Variants in ZNF461 observed in about 807,000 individuals in gnomAD.
The protein encoded by ZNF461 is zinc finger protein 461.
A neutral mutation model predicts 18.3 loss-of-function variants in ZNF461; 16 were observed. The observed-to-expected ratio is 0.88, with a 90% CI of 0.59 to 1.33. ZNF461 has a LOEUF of 1.33. Ranked by LOEUF, ZNF461 falls within the 40% of genes most tolerant of loss-of-function variation. The pLI is 0.00. For synonymous variants in ZNF461, 179 were observed against 216.9 expected (o/e 0.83, Z 1.54); for missense variants, 595 against 669.9 (o/e 0.89, Z 1.23).
At chr19:36,661,517 A>G in intron 2 of ZNF461, among the ~76,000 whole-genome samples, 1 of 137,380 alleles carries the variant, frequency 7.3e-6, no homozygotes, top group East Asian at 2.8e-4. Flanking sequence ...ACAAGATGGT[A>G]GAGTAAAACC....
rs779475299 is a variant in ZNF461 at position 36,656,521 on chromosome 19, G to A, written c.159C>T (p.Ala53=). The A allele has an allele frequency of 6.8e-6, 11 of 1,613,906 alleles. No individual in the cohort carries two copies. The highest frequency in any genetic ancestry group is 4.0e-5 in the African/African-American group (3 of 74,898). The change falls in exon 4 of 6, where the codon GCC becomes GCT. Residue 53 remains alanine (A), a synonymous_variant. Transcript: ENST00000588268. The part of the protein sequence containing the change: ...VSLGLSVSKP[A]VISSLEQGKE... ...TCCCTTGCTCCAATGAGGAGATTAC[G>A]GCTGGCTTAGAAACAGAAAGTCCTA...
In ZNF461 at chr19:36,663,268, G is replaced by C. The variant is rs946598719; in HGVS notation, c.9+1430C>G. Reference sequence around the variant, plus strand: ...GTCCTAAAGCAATTCTCCCGCCTTGGCCTCCCAAAGTGCTGGGATTATGGG... The same window carrying C: ...GTCCTAAAGCAATTCTCCCGCCTTGCCCTCCCAAAGTGCTGGGATTATGGG... On this transcript the variant is annotated intron_variant, in intron 2 of 5. Transcript: ENST00000588268. Among the ~76,000 whole-genome samples the C allele has an allele frequency of 9.2e-5, 14 of 152,160 alleles. No homozygotes were observed. In the East Asian group the frequency reaches 2.7e-3, roughly 29 times the overall value.
chr19:36,664,503 G>A (rs57471534), intron 2 of ZNF461, among the ~76,000 whole-genome samples, 195 bp downstream of exon 2: 418 of 151,702 alleles, frequency 2.8e-3, no homozygotes, highest in African/African-American at 9.7e-3. Context: ...TGGGAGAATC[G>A]CCTGAACCTG....
intron 4 of ZNF461, among the ~76,000 whole-genome samples, chr19:36,649,338 GT>G (rs56108428): frequency 0.67 from 102,184 of 151,422 alleles, 34,799 homozygotes; most frequent in East Asian, 0.82. Context: ...ATTTATTTAT[GT>G]TTTTTTTTGA....
intron 4 of ZNF461, 135 bp downstream of exon 4, chr19:36,656,313 G>A (rs1600438283): frequency 1.3e-6 from 1 of 770,510 alleles, no homozygotes; most frequent in Non-Finnish European, 2.2e-6. Context: ...GTACCACACT[G>A]TTTGATTACT....
At position 36,639,503 on chromosome 19, in the gene ZNF461, G is replaced by A. The variant is rs1568642310; in HGVS notation, c.842C>T (p.Ala281Val). Residue 281 changes from alanine (A) to valine (V), a missense_variant, in exon 6 of 6, where the codon GCC (alanine) becomes GTC (valine). Physicochemically the swap from Ala to Val is moderately conservative, Grantham distance 64. Coordinates refer to ENST00000588268, the MANE Select transcript of ZNF461 (RefSeq NM_153257.5). The part of the protein sequence containing the change: ...KRYECNECGK[A>V]FNYGSELTLH... Reference sequence around the variant, plus strand: ...AGTAAGTTCTGAGCCATAATTAAAGGCCTTCCCACATTCGTTACATTCATA... The same window carrying A: ...AGTAAGTTCTGAGCCATAATTAAAGACCTTCCCACATTCGTTACATTCATA... 2 of 1,613,544 alleles carry A rather than the reference G, an allele frequency of 1.2e-6. No homozygotes were observed. Among genetic ancestry groups the A allele is most frequent in the Admixed American group, 1.7e-5 (1 of 59,952 alleles).
chr19:36,644,935 C>G (rs1412765014), intron 4 of ZNF461, among the ~76,000 whole-genome samples: 1 of 151,462 alleles, frequency 6.6e-6, no homozygotes, highest in African/African-American at 2.4e-5. Context: ...ATTAAAAAAT[C>G]TGGCCTGGAG....
intron 4 of ZNF461, among the ~76,000 whole-genome samples, chr19:36,653,967 T>C (rs1030848505): frequency 3.3e-5 from 5 of 152,150 alleles, no homozygotes; most frequent in African/African-American, 1.2e-4. Flanking sequence ...AATGAGTGCA[T>C]GTATAACTGG....
At position 36,638,489 on chromosome 19, in the gene ZNF461, G is replaced by A; in HGVS notation, c.*164C>T. 2 of 545,834 alleles carry A rather than the reference G, an allele frequency of 3.7e-6. No homozygotes were observed. The highest frequency in any genetic ancestry group is 3.7e-5 in the African/African-American group (2 of 53,620). The allele number at this position is 545,834 out of a possible 1,614,324, so 33.8% of individuals were successfully genotyped here. ...TGGTTAATACAATAACTCAGAAACA[G>A]CATTAAAATGAGACCAAAATTTACA... On this transcript the variant is annotated 3_prime_UTR_variant, in exon 6 of 6. Transcript: ENST00000588268.
chr19:36,656,400 A>G, intron 4 of ZNF461, 48 bp downstream of exon 4: 6 of 1,482,534 alleles, frequency 4.0e-6, no homozygotes, highest in Non-Finnish European at 5.7e-6. Context: ...CAACATTCTG[A>G]CCAGCTGGCC....
At chr19:36,656,061 G>A (rs912181327) in intron 4 of ZNF461, among the ~76,000 whole-genome samples, 4 of 148,388 alleles carry the variant, frequency 2.7e-5, no homozygotes, top group African/African-American at 1.0e-4. Context: ...GCTGTGGCGC[G>A]ATCTCCGCTC....
In ZNF461 at chr19:36,638,582, A is replaced by C. The variant is rs2037341683; in HGVS notation, c.*71T>G. 1.8e-6 allele frequency: 2 copies of C among 1,107,234 alleles called. No individual in the cohort carries two copies. The highest frequency in any genetic ancestry group is 5.8e-5 in the Admixed American group (2 of 34,666). 68.6% of individuals were successfully genotyped at this position (1,107,234 alleles called of 1,614,324 possible). A position where few individuals can be genotyped will look rare whatever the true frequency, so the allele number is the denominator to read the frequency against. On this transcript the variant is annotated 3_prime_UTR_variant, in exon 6 of 6. Coordinates refer to ENST00000588268, the MANE Select transcript of ZNF461 (RefSeq NM_153257.5). Reference sequence around the variant, plus strand: ...AGGATTATTTAAATAAATAAATACTAATGAAACTGGTGGCTTACCAACTTT... The same window carrying C: ...AGGATTATTTAAATAAATAAATACTCATGAAACTGGTGGCTTACCAACTTT...
chr19:36,638,112 A>G lies in ZNF461; in HGVS notation c.*541T>C, dbSNP rs1051827761. Reference sequence around the variant, plus strand: ...TCTGTAGTAGGTAATGGCCCAAAATACGGACATACATTCCATTCTAGAAAT... The same window carrying G: ...TCTGTAGTAGGTAATGGCCCAAAATGCGGACATACATTCCATTCTAGAAAT... On this transcript the variant is annotated 3_prime_UTR_variant, in exon 6 of 6. Transcript: ENST00000588268. 6 of 193,012 alleles carry G rather than the reference A, an allele frequency of 3.1e-5. No individual in the cohort carries two copies. Among genetic ancestry groups the G allele is most frequent in the African/African-American group, 1.4e-4 (6 of 41,824 alleles). The allele number at this position is 193,012 out of a possible 1,614,324, so 12.0% of individuals were successfully genotyped here. A position where few individuals can be genotyped will look rare whatever the true frequency, so the allele number is the denominator to read the frequency against.
rs1414433262 is a variant in ZNF461 at position 36,664,812 on chromosome 19, A to AG, written c.-80-27dup. The AG allele has an allele frequency of 8.0e-6, 7 of 872,044 alleles. No homozygotes were observed. The Middle Eastern group carries it at 7.3e-4, about 91-fold the overall frequency. 54.0% of individuals were successfully genotyped at this position (872,044 alleles called of 1,614,324 possible). On this transcript the variant is annotated intron_variant, in intron 1 of 5. Coordinates refer to ENST00000588268, the MANE Select transcript of ZNF461 (RefSeq NM_153257.5). Reference sequence around the variant, plus strand: ...CTGGGAGAGAGGGGAGTTAAAAAAAAGACAGGAGATTATTGCCTCTAAGCT... The same window carrying AG: ...CTGGGAGAGAGGGGAGTTAAAAAAAAGGACAGGAGATTATTGCCTCTAAGCT...
chr19:36,658,196 A>T, intron 3 of ZNF461, 103 bp downstream of exon 3: 1 of 1,196,080 alleles, frequency 8.4e-7, no homozygotes, highest in Non-Finnish European at 1.2e-6. Context: ...TTTGAAAGCT[A>T]GCCCTAAATT....
At chr19:36,664,414 C>T (rs1451130660) in intron 2 of ZNF461, among the ~76,000 whole-genome samples, 1 of 152,062 alleles carries the variant, frequency 6.6e-6, no homozygotes, top group Non-Finnish European at 1.5e-5. Flanking sequence ...TTGGCAAAAC[C>T]CCGTATCTAC....
At chr19:36,649,685 G>C (rs2037592203) in intron 4 of ZNF461, among the ~76,000 whole-genome samples, 1 of 152,106 alleles carries the variant, frequency 6.6e-6, no homozygotes, top group Non-Finnish European at 1.5e-5. Context: ...ACTTCTAGGA[G>C]AGTAGATGTT....
rs933480052 is a variant in ZNF461 at position 36,638,079 on chromosome 19, C to T, written c.*574G>A. On this transcript the variant is annotated 3_prime_UTR_variant, in exon 6 of 6. Coordinates refer to ENST00000588268, the MANE Select transcript of ZNF461 (RefSeq NM_153257.5). ...AGTTCTAGGTGAACATTAGAAACAA[C>T]TTCAATGTCTGTAGTAGGTAATGGC... 4.7e-6 allele frequency: 1 copy of T among 211,896 alleles called. No individual in the cohort carries two copies. The highest frequency in any genetic ancestry group is 1.4e-4 in the East Asian group (1 of 6,992). 13.1% of individuals were successfully genotyped at this position (211,896 alleles called of 1,614,324 possible).
At chr19:36,660,930 T>C (rs1664022357) in intron 2 of ZNF461, among the ~76,000 whole-genome samples, 2 of 152,224 alleles carry the variant, frequency 1.3e-5, no homozygotes, top group Admixed American at 1.3e-4. Context: ...GAAAGAAATA[T>C]ATGCTTTAAG....
Sources: gnomAD v4.1 joint callset for allele counts (sites outside exome capture counted in the v4.1 genomes callset) on GRCh38, gnomAD v4.1.1 for gene constraint, MANE v1.5 for transcripts, NCBI Gene and HGNC (gene_info 2026-07-23, HGNC 2026-07-21) for gene names.